The following ADAM10 variants were observed in gnomAD, a reference collection of about 807,000 sequenced individuals.
ADAM10 encodes ADAM metallopeptidase domain 10.
In ADAM10, 17 loss-of-function variants were observed where a neutral mutation model predicts 90.1. That is an observed-to-expected ratio of 0.19 (90% CI 0.13 to 0.28). The LOEUF (loss-of-function observed/expected upper bound fraction) is 0.28. Ranked by LOEUF, ADAM10 falls within the 10% of genes least tolerant of loss-of-function variation. The pLI is 1.00. For missense variants in ADAM10, 610 were observed against 914.3 expected (o/e 0.67, Z 4.29); for synonymous variants, 310 against 298.6 (o/e 1.04, Z -0.40).
chr15:58,717,523 A>G (rs1248274365), intron 2 of ADAM10, 54 bp downstream of exon 2: 1 of 1,602,960 alleles, frequency 6.2e-7, no homozygotes, highest in African/African-American at 1.3e-5. Flanking sequence ...CTCCTCTTTA[A>G]CTTAGATTGA....
chr15:58,610,049 G>A (rs972189311), intron 14 of ADAM10: 21 of 507,480 alleles, frequency 4.1e-5, no homozygotes, highest in Non-Finnish European at 7.0e-5. Flanking sequence ...TCCAGGAGAT[G>A]AACTAAGGAG....
At chr15:58,653,259 T>TA (rs1896732428) in intron 5 of ADAM10, among the ~76,000 whole-genome samples, 1 of 152,192 alleles carries the variant, frequency 6.6e-6, no homozygotes, top group Admixed American at 6.5e-5. Flanking sequence ...CTATGTTGAG[T>TA]AACAGTGCTG....
chr15:58,711,492 T>G (rs770354068), intron 2 of ADAM10, among the ~76,000 whole-genome samples: 1 of 152,180 alleles, frequency 6.6e-6, no homozygotes, highest in Non-Finnish European at 1.5e-5. Context: ...TCAATTAGTC[T>G]GAATTAACCA....
At chr15:58,711,426 G>A (rs1034591801) in intron 2 of ADAM10, among the ~76,000 whole-genome samples, 2 of 152,156 alleles carry the variant, frequency 1.3e-5, no homozygotes, top group Non-Finnish European at 1.5e-5. Flanking sequence ...TTTTACTAAT[G>A]AGGAAACTGA....
intron 4 of ADAM10, chr15:58,676,112 G>C (rs1260755659): frequency 3.3e-6 from 1 of 298,792 alleles, no homozygotes; most frequent in African/African-American, 2.2e-5. Context: ...AACAGCAATA[G>C]ATGCAAATGT....
intron 7 of ADAM10, 54 bp from the exon 8 acceptor site, chr15:58,641,014 G>A: frequency 2.0e-6 from 3 of 1,493,070 alleles, no homozygotes; most frequent in Non-Finnish European, 1.9e-6. Flanking sequence ...GAGCTTTAGT[G>A]TGAATGTCTG....
intron 5 of ADAM10, among the ~76,000 whole-genome samples, chr15:58,650,934 GGT>G (rs1353920412): frequency 1.3e-5 from 2 of 151,478 alleles, no homozygotes; most frequent in South Asian, 2.1e-4. Flanking sequence ...TTCACTTTAA[GGT>G]GTCTTTTATT....
At chr15:58,723,321 T>A (rs748453294) in intron 1 of ADAM10, among the ~76,000 whole-genome samples, 45 of 151,522 alleles carry the variant, frequency 3.0e-4, no homozygotes, top group Admixed American at 1.9e-3. Flanking sequence ...CACAAAATAA[T>A]CAGCCCCTCA....
At chr15:58,715,723 A>C (rs1567009454) in intron 2 of ADAM10, among the ~76,000 whole-genome samples, 3 of 152,088 alleles carry the variant, frequency 2.0e-5, no homozygotes, top group African/African-American at 7.2e-5. Context: ...ACTCATGCAA[A>C]CTCTCTCGCT....
rs201472180 is a variant in ADAM10 at position 58,679,216 on chromosome 15, C to T, written c.392G>A (p.Arg131His). ...TGGCTCAACATAAAATGTGCCACCA[C>T]GAGTCTGGATGAATCCTTCAAATCT... ...DGRFEGFIQT[R>H]GGTFYVEPAE... The change falls in exon 4 of 16, where the codon CGT (arginine) becomes CAT (histidine). Residue 131 changes from arginine to histidine, a missense_variant. Physicochemically the swap from Arg to His is conservative, Grantham distance 29. Around this residue, in one of 4 missense-constraint regions of ADAM10, gnomAD observed 310 missense variants for 362.4 expected, o/e 0.86. Coordinates refer to ENST00000260408, the MANE Select transcript of ADAM10 (RefSeq NM_001110.4). 17 of 1,613,916 alleles carry T rather than the reference C, an allele frequency of 1.1e-5. No homozygotes were observed. The highest frequency in any genetic ancestry group is 5.3e-5 in the African/African-American group (4 of 74,904).
At chr15:58,669,096 CAATT>C (rs781462095) in intron 4 of ADAM10, among the ~76,000 whole-genome samples, 1 of 151,934 alleles carries the variant, frequency 6.6e-6, no homozygotes, top group South Asian at 2.1e-4. Flanking sequence ...ATTAAGCAAA[CAATT>C]AAGAAAAATT....
intron 2 of ADAM10, among the ~76,000 whole-genome samples, chr15:58,700,429 T>C (rs1403784095): frequency 1.3e-5 from 2 of 152,058 alleles, no homozygotes; most frequent in East Asian, 3.8e-4. Flanking sequence ...AACAAGAACT[T>C]TGGAAACTGT....
chr15:58,641,867 TACA>T (rs1896426161), intron 7 of ADAM10, among the ~76,000 whole-genome samples: 1 of 152,178 alleles, frequency 6.6e-6, no homozygotes, highest in Admixed American at 6.5e-5. Context: ...TAATGGTTGA[TACA>T]ACAAGAGCTA....
chr15:58,599,823 T>A (rs1038369485), intron 14 of ADAM10, 99 bp from the exon 15 acceptor site: 14 of 1,226,510 alleles, frequency 1.1e-5, no homozygotes, highest in Non-Finnish European at 1.5e-5. Flanking sequence ...ACACAGTATA[T>A]TGTAATTTTT....
At chr15:58,649,957 T>C (rs1896645998) in intron 5 of ADAM10, among the ~76,000 whole-genome samples, 1 of 152,158 alleles carries the variant, frequency 6.6e-6, no homozygotes, top group African/African-American at 2.4e-5. Context: ...CTTATGCTCT[T>C]TTCTGTATTT....
chr15:58,626,846 T>C (rs948189033), intron 10 of ADAM10, among the ~76,000 whole-genome samples: 10 of 152,284 alleles, frequency 6.6e-5, no homozygotes, highest in South Asian at 6.2e-4. Context: ...AGAATTTCCA[T>C]TGGGATGATG....
At position 58,597,252 on chromosome 15, in the gene ADAM10, C is replaced by G. The variant is rs1298702570; in HGVS notation, c.*295G>C. 4.3e-6 allele frequency: 4 copies of G among 927,716 alleles called. No individual in the cohort carries two copies. The highest frequency in any genetic ancestry group is 6.3e-6 in the Non-Finnish European group (4 of 638,186). 57.5% of individuals were successfully genotyped at this position (927,716 alleles called of 1,614,324 possible). A position where few individuals can be genotyped will look rare whatever the true frequency, so the allele number is the denominator to read the frequency against. On this transcript the variant is annotated 3_prime_UTR_variant, in exon 16 of 16. Coordinates refer to ENST00000260408, the MANE Select transcript of ADAM10 (RefSeq NM_001110.4). ...CCTGCAAGTGAAGAAAATGCAGCAA[C>G]GAAGAACAGGGAACACGGGGCACAT...
chr15:58,695,224 A>G (rs557648736), intron 2 of ADAM10, among the ~76,000 whole-genome samples: 2 of 152,264 alleles, frequency 1.3e-5, no homozygotes, highest in East Asian at 3.9e-4. Flanking sequence ...TTTCTACTTA[A>G]AGCCTTAAGG....
At chr15:58,713,285 C>CTTATTAATCTTCTAATCT (rs1221513573) in intron 2 of ADAM10, among the ~76,000 whole-genome samples, 2 of 151,956 alleles carry the variant, frequency 1.3e-5, no homozygotes, top group African/African-American at 4.8e-5. Context: ...TCTAATCTTT[C>CTTATTAATCTTCTAATCT]TGTAGAGTCA....
Sources: allele counts gnomAD v4.1 joint callset (sites outside exome capture counted in the v4.1 genomes callset), GRCh38; gene constraint gnomAD v4.1.1; regional missense constraint gnomAD v4.1.1; transcripts MANE v1.5; gene names NCBI Gene and HGNC (gene_info 2026-07-23, HGNC 2026-07-21).